CRACD: variants seen among roughly 807,000 people sequenced by gnomAD.
The protein encoded by CRACD is capping protein-inhibiting regulator of actin dynamics.
Under a neutral mutation model 106.8 loss-of-function variants are expected in CRACD, and 56 were observed. The ratio of observed to expected loss-of-function variants is 0.52; its 90% CI spans 0.42 to 0.66. The LOEUF (loss-of-function observed/expected upper bound fraction) is 0.66. Ranked by LOEUF, CRACD falls within the 30% of genes least tolerant of loss-of-function variation. The pLI, the probability that CRACD is intolerant of heterozygous loss-of-function variation, is 0.00. For missense variants in CRACD, 1,730 were observed against 1,623.2 expected (o/e 1.07, Z -1.13); for synonymous variants, 754 against 670.8 (o/e 1.12, Z -1.92).
chr4:56,196,698 CT>C (rs1737630084), intron 2 of CRACD, among the ~76,000 whole-genome samples: 1 of 152,034 alleles, frequency 6.6e-6, no homozygotes, highest in South Asian at 2.1e-4. Flanking sequence ...TTCTATCATG[CT>C]TGATTATCTA....
chr4:56,088,602 T>A (rs1344687344), intron 1 of CRACD, among the ~76,000 whole-genome samples: 3 of 152,214 alleles, frequency 2.0e-5, no homozygotes, highest in African/African-American at 7.2e-5. Flanking sequence ...TCAGTTGAAG[T>A]ATTCTTTTAG....
intron 1 of CRACD, among the ~76,000 whole-genome samples, chr4:56,060,035 A>G (rs899467370): frequency 6.6e-6 from 1 of 152,198 alleles, no homozygotes; most frequent in African/African-American, 2.4e-5. Flanking sequence ...ATAATTGCCA[A>G]ACAAGTACAT....
At chr4:56,252,086 A>G (rs1047221011) in intron 2 of CRACD, among the ~76,000 whole-genome samples, 28 of 152,238 alleles carry the variant, frequency 1.8e-4, no homozygotes, top group African/African-American at 5.8e-4. Flanking sequence ...AGTGTTACTA[A>G]GCAATTTTGG....
chr4:56,112,237 G>A lies in CRACD; in HGVS notation c.-336+62938G>A, dbSNP rs374907186. ...CTAGATAGCAGCGAGAGAAAGTGAG[G>A]CATTTATAGCAGGGAACCAAGTGAG... On this transcript the variant is annotated intron_variant, in intron 1 of 10. Transcript: ENST00000682029. Among the ~76,000 whole-genome samples the A allele has an allele frequency of 5.3e-5, 8 of 152,166 alleles. No individual in the cohort carries two copies. In the East Asian group the frequency reaches 1.2e-3, roughly 22 times the overall value.
At chr4:56,098,235 A>G (rs1409485502) in intron 1 of CRACD, among the ~76,000 whole-genome samples, 2 of 152,206 alleles carry the variant, frequency 1.3e-5, no homozygotes, top group Non-Finnish European at 2.9e-5. Context: ...CCAAAAGCAT[A>G]ATAGGAAAAA....
chr4:56,201,404 A>G (rs1737872777), intron 2 of CRACD, among the ~76,000 whole-genome samples: 2 of 152,208 alleles, frequency 1.3e-5, no homozygotes, highest in African/African-American at 4.8e-5. Context: ...GTAAAAGCTT[A>G]AATTAATTGA....
intron 1 of CRACD, among the ~76,000 whole-genome samples, chr4:56,167,448 C>A (rs959461849): frequency 2.6e-5 from 4 of 152,132 alleles, no homozygotes; most frequent in African/African-American, 9.7e-5. Flanking sequence ...ATTAACATAT[C>A]ATCATCTCAA....
intron 3 of CRACD, among the ~76,000 whole-genome samples, chr4:56,278,533 G>C (rs535854859): frequency 1.2e-4 from 19 of 152,174 alleles, no homozygotes; most frequent in African/African-American, 4.3e-4. Context: ...CTAAATGTAA[G>C]AATTAAAATT....
At position 56,314,618 on chromosome 4, in the gene CRACD, G is replaced by A. The variant is rs1221572762; in HGVS notation, c.1116G>A (p.Leu372=). ...EEEEAEGWEE[L]EQQEAEVQGP... ...AGGAGGCTGAGGGATGGGAAGAGCT[G>A]GAACAGCAGGAGGCGGAGGTGCAGG... The change falls in exon 8 of 11, where the codon CTG becomes CTA. Residue 372 remains leucine (L), a synonymous_variant. Coordinates refer to ENST00000682029, the MANE Select transcript of CRACD (RefSeq NM_001393381.1). This position sits in a 1 kb window ranked among gnomAD's most constrained non-coding sequence, Gnocchi z 4.4. The A allele has an allele frequency of 2.0e-6, 3 of 1,535,992 alleles. No individual in the cohort carries two copies. The highest frequency in any genetic ancestry group is 2.8e-5 in the African/African-American group (2 of 72,460).
intron 4 of CRACD, among the ~76,000 whole-genome samples, chr4:56,303,762 C>T (rs1032748894): frequency 4.6e-5 from 7 of 152,196 alleles, no homozygotes; most frequent in African/African-American, 1.4e-4. Flanking sequence ...CACCATGCGT[C>T]GGACCCTGAG....
chr4:56,209,734 C>G (rs1738305557), intron 2 of CRACD, among the ~76,000 whole-genome samples: 1 of 152,118 alleles, frequency 6.6e-6, no homozygotes, highest in Non-Finnish European at 1.5e-5. Flanking sequence ...TTTTAACTTA[C>G]AAATGACTCC....
At chr4:56,109,442 T>C (rs1734050017) in intron 1 of CRACD, among the ~76,000 whole-genome samples, 1 of 152,130 alleles carries the variant, frequency 6.6e-6, no homozygotes, top group Non-Finnish European at 1.5e-5. Flanking sequence ...TGGAGGAGAC[T>C]GAGGGGCCAG....
intron 2 of CRACD, among the ~76,000 whole-genome samples, chr4:56,226,876 GTCTC>G (rs71192081): frequency 1.3e-3 from 184 of 145,928 alleles, no homozygotes; most frequent in African/African-American, 4.3e-3. Context: ...CTCTCTCTCT[GTCTC>G]TCTCTCTCTC....
chr4:56,324,728 A>T (rs551813992), intron 10 of CRACD, among the ~76,000 whole-genome samples: 1 of 152,224 alleles, frequency 6.6e-6, no homozygotes, highest in Admixed American at 6.5e-5. Flanking sequence ...AGACAAAATT[A>T]TAGCAGGACT....
rs76196476 is a variant in CRACD, at chr4:56,277,861, A to G, written c.-17+5369A>G. Among the ~76,000 whole-genome samples, 232 of 152,314 alleles carry G rather than the reference A, an allele frequency of 1.5e-3. 2 individuals are homozygous for G. The highest frequency in any genetic ancestry group is 5.3e-3 in the African/African-American group (221 of 41,568). ...TATATCAATTGTATTTCTGTACTCT[A>G]GCAATTTATAATCTAAAGATGACCC... is the stretch of plus-strand genomic sequence containing the variant. On this transcript the variant is annotated intron_variant, in intron 3 of 10. Transcript: ENST00000682029.
intron 3 of CRACD, among the ~76,000 whole-genome samples, chr4:56,295,658 A>G (rs1743967092): frequency 9.1e-6 from 1 of 109,780 alleles, no homozygotes; most frequent in Non-Finnish European, 1.8e-5. Context: ...GAAATTAGTA[A>G]ACATATATAT....
At chr4:56,147,739 C>G (rs939360327) in intron 1 of CRACD, among the ~76,000 whole-genome samples, 4 of 152,148 alleles carry the variant, frequency 2.6e-5, no homozygotes, top group Non-Finnish European at 4.4e-5. Context: ...GTTTGTTGCA[C>G]CATTTTACAG....
chr4:56,059,451 G>T (rs143828940), intron 1 of CRACD, among the ~76,000 whole-genome samples: 4 of 152,294 alleles, frequency 2.6e-5, no homozygotes, highest in Non-Finnish European at 5.9e-5. Flanking sequence ...ACTCCAGCCT[G>T]CGTGACAGAA....
chr4:56,189,597 G>C (rs1468735860), intron 2 of CRACD, among the ~76,000 whole-genome samples: 5 of 123,950 alleles, frequency 4.0e-5, no homozygotes, highest in Non-Finnish European at 7.9e-5. Flanking sequence ...CCCTTCCTGC[G>C]TCCATGTGTT....
Sources: allele counts gnomAD v4.1 joint callset (sites outside exome capture counted in the v4.1 genomes callset), GRCh38; gene constraint gnomAD v4.1.1; non-coding constraint Gnocchi (gnomAD v3.1); transcripts MANE v1.5; gene names NCBI Gene and HGNC (gene_info 2026-07-23, HGNC 2026-07-21).